Variants in ZBTB46 observed in about 807,000 individuals in gnomAD.
ZBTB46 encodes zinc finger and BTB domain-containing protein 46.
Under a neutral mutation model 44.1 loss-of-function variants are expected in ZBTB46, and 8 were observed. The ratio of observed to expected loss-of-function variants is 0.18; its 90% CI spans 0.11 to 0.33. ZBTB46 has a LOEUF of 0.33. Ranked by LOEUF, ZBTB46 falls within the 10% of genes least tolerant of loss-of-function variation. The pLI, the probability that ZBTB46 is intolerant of heterozygous loss-of-function variation, is 1.00. For synonymous variants in ZBTB46, 409 were observed against 382.3 expected, an observed-to-expected ratio of 1.07 and a Z score of -0.81; for missense variants, 651 against 847.7, an observed-to-expected ratio of 0.77 and a Z score of 2.88.
At chr20:63,827,930 A>G (rs1179460372) in intron 1 of ZBTB46, among the ~76,000 whole-genome samples, 1 of 152,124 alleles carries the variant, frequency 6.6e-6, no homozygotes, top group Non-Finnish European at 1.5e-5. Flanking sequence ...ACTTAATTTT[A>G]TTGTTTTAGA....
chr20:63,781,153 A>G (rs1205154378), intron 2 of ZBTB46, among the ~76,000 whole-genome samples: 1 of 124,642 alleles, frequency 8.0e-6, no homozygotes, highest in African/African-American at 2.6e-5. Context: ...AAAAAAAAAA[A>G]AAAAAAAAAA....
At chr20:63,817,157 T>G (rs936693516) in intron 1 of ZBTB46, among the ~76,000 whole-genome samples, 1 of 151,278 alleles carries the variant, frequency 6.6e-6, no homozygotes, top group Non-Finnish European at 1.5e-5. Flanking sequence ...TGGTGGCTCA[T>G]GCCTGTAATC....
At chr20:63,775,429 G>T (rs907249456) in intron 3 of ZBTB46, 2 of 431,760 alleles carry the variant, frequency 4.6e-6, no homozygotes, top group Non-Finnish European at 8.1e-6. Flanking sequence ...GCAAGCACTC[G>T]GCTGCTCCCC....
Position 63,827,602 on chromosome 20 carries a change from G to T in ZBTB46, c.-34+3495C>A, listed in dbSNP as rs1387760800. ...CGCAGTCCGGCCTGGGCGACAGAGC[G>T]AGACTCCGTCTCAAAAAAAAAAAAA... On this transcript the variant is annotated intron_variant, in intron 1 of 4. Coordinates refer to ENST00000245663, the MANE Select transcript of ZBTB46 (RefSeq NM_001369741.1). 3.5e-3 allele frequency among the ~76,000 whole-genome samples: 494 copies of T among 140,936 alleles called. 5 individuals carry two copies. The highest frequency in any genetic ancestry group is 0.013 in the African/African-American group (477 of 37,516). The allele number at this position is 140,936 out of a possible 152,430, so 92.5% of individuals were successfully genotyped here. A position where few individuals can be genotyped will look rare whatever the true frequency, so the allele number is the denominator to read the frequency against.
intron 1 of ZBTB46, among the ~76,000 whole-genome samples, chr20:63,818,245 T>G (rs894390657): frequency 6.6e-6 from 1 of 152,232 alleles, no homozygotes; most frequent in Non-Finnish European, 1.5e-5. Flanking sequence ...AGGCATGCCT[T>G]GACCACGGTC....
chr20:63,782,207 C>CCCCGAGCT (rs2092476772), intron 2 of ZBTB46, among the ~76,000 whole-genome samples: 1 of 152,012 alleles, frequency 6.6e-6, no homozygotes, highest in Non-Finnish European at 1.5e-5. Flanking sequence ...ACCCCCGAGC[C>CCCCGAGCT]GTGGTTTTGC....
At chr20:63,817,743 AAAG>A (rs1568904579) in intron 1 of ZBTB46, among the ~76,000 whole-genome samples, 1 of 151,136 alleles carries the variant, frequency 6.6e-6, no homozygotes, top group Non-Finnish European at 1.5e-5. Flanking sequence ...GAAGAAGAAG[AAAG>A]AAGAGGAAAA....
chr20:63,792,821 A>C (rs374394681), intron 1 of ZBTB46, among the ~76,000 whole-genome samples: 1 of 152,206 alleles, frequency 6.6e-6, no homozygotes, highest in Admixed American at 6.5e-5. Context: ...CCCAGCCTAA[A>C]ATGTCCTGAG....
chr20:63,799,224 G>A (rs1360836596), intron 1 of ZBTB46, among the ~76,000 whole-genome samples: 1 of 151,182 alleles, frequency 6.6e-6, no homozygotes, highest in Non-Finnish European at 1.5e-5. Flanking sequence ...ATTTCTTACA[G>A]AGACAGGGTT....
At position 63,803,408 on chromosome 20, in the gene ZBTB46, A is replaced by G. The variant is rs1364293625; in HGVS notation, c.-33-12618T>C. ...AGAAAACACTCCAAGACATGTTAGC[A>G]GAGTCGTCTTTCGACAGCGAGACCG... On this transcript the variant is annotated intron_variant, in intron 1 of 4. Coordinates refer to ENST00000245663, the MANE Select transcript of ZBTB46 (RefSeq NM_001369741.1). This position sits in a 1 kb window ranked among gnomAD's most constrained non-coding sequence, Gnocchi z 4.0. 1 of 985,358 alleles carries G rather than the reference A, an allele frequency of 1.0e-6. No individual in the cohort carries two copies. The highest frequency in any genetic ancestry group is 1.7e-5 in the African/African-American group (1 of 57,260). 61.0% of individuals were successfully genotyped at this position (985,358 alleles called of 1,614,324 possible).
At chr20:63,773,926 T>C (rs933392443) in intron 3 of ZBTB46, among the ~76,000 whole-genome samples, 5 of 152,208 alleles carry the variant, frequency 3.3e-5, no homozygotes, top group Non-Finnish European at 5.9e-5. Flanking sequence ...AAGTACACTT[T>C]TGCATTTGAG....
intron 4 of ZBTB46, among the ~76,000 whole-genome samples, chr20:63,750,379 G>A (rs2145757963): frequency 6.6e-6 from 1 of 152,066 alleles, no homozygotes; most frequent in African/African-American, 2.4e-5. Context: ...TCAAGTAGCT[G>A]GGACCACACT....
intron 1 of ZBTB46, among the ~76,000 whole-genome samples, chr20:63,826,662 T>C (rs929512182): frequency 5.9e-5 from 9 of 152,060 alleles, no homozygotes; most frequent in Non-Finnish European, 1.0e-4. Context: ...AAGGTGGAGC[T>C]TGCAGTGAGC....
intron 1 of ZBTB46, among the ~76,000 whole-genome samples, chr20:63,820,377 G>A (rs1240180378): frequency 6.6e-6 from 1 of 151,310 alleles, no homozygotes; most frequent in Non-Finnish European, 1.5e-5. Context: ...GGGATTACAG[G>A]CATGAGACAC....
At chr20:63,805,406 A>C (rs2092674949) in intron 1 of ZBTB46, among the ~76,000 whole-genome samples, 1 of 152,162 alleles carries the variant, frequency 6.6e-6, no homozygotes, top group South Asian at 2.1e-4. Flanking sequence ...GGCTGCAGTC[A>C]GTGAGCTCCG....
chr20:63,760,223 C>A (rs985701606), intron 3 of ZBTB46, among the ~76,000 whole-genome samples: 7 of 152,148 alleles, frequency 4.6e-5, no homozygotes, highest in Non-Finnish European at 7.4e-5. Flanking sequence ...GGAAAGAATT[C>A]ACTAGTAAAG....
intron 1 of ZBTB46, among the ~76,000 whole-genome samples, chr20:63,822,948 C>G (rs2092800491): frequency 6.6e-6 from 1 of 152,074 alleles, no homozygotes; most frequent in Admixed American, 6.6e-5. Context: ...ATCACTTAAG[C>G]TCAGGAGTTC....
Position 63,787,347 on chromosome 20 carries a change from C to T in ZBTB46, c.937+2474G>A, listed in dbSNP as rs1388021708. ...TAAAAAATCAGTTTAGTGTAGGCCA[C>T]GCCAAGTGTTTATAAAGTCTGCAGC... On this transcript the variant is annotated intron_variant, in intron 2 of 4. Coordinates refer to ENST00000245663, the MANE Select transcript of ZBTB46 (RefSeq NM_001369741.1). The surrounding 1 kb of genome is among the most constrained non-coding windows in gnomAD (Gnocchi z 4.6). Among the ~76,000 whole-genome samples the T allele has an allele frequency of 3.3e-5, 5 of 152,316 alleles. No homozygotes were observed. Among genetic ancestry groups the T allele is most frequent in the East Asian group, 3.9e-4 (2 of 5,190 alleles).
At chr20:63,813,525 G>A (rs2092729978) in intron 1 of ZBTB46, among the ~76,000 whole-genome samples, 1 of 152,244 alleles carries the variant, frequency 6.6e-6, no homozygotes, top group African/African-American at 2.4e-5. Flanking sequence ...ACACACCAGA[G>A]TAACTGCTCC....
Sources: allele counts gnomAD v4.1 joint callset (sites outside exome capture counted in the v4.1 genomes callset), GRCh38; gene constraint gnomAD v4.1.1; non-coding constraint Gnocchi (gnomAD v3.1); transcripts MANE v1.5; gene names NCBI Gene and HGNC (gene_info 2026-07-23, HGNC 2026-07-21).